TRPC4: variants seen among roughly 807,000 people sequenced by gnomAD.
TRPC4 encodes short transient receptor potential channel 4.
TRPC4 carries 49 observed loss-of-function variants against 99.4 expected under a neutral mutation model. The ratio of observed to expected loss-of-function variants is 0.49; its 90% CI spans 0.39 to 0.63. The LOEUF (loss-of-function observed/expected upper bound fraction) is 0.63. Among genes scored for constraint, TRPC4 ranks in the 20% least tolerant of loss-of-function variants. The probability of loss-of-function intolerance (pLI) is 0.00; values close to 1 mark genes in which losing one functional copy is unlikely to be tolerated. For synonymous variants in TRPC4, 454 were observed against 425.9 expected (o/e 1.07, Z -0.81); for missense variants, 898 against 1,152.9 (o/e 0.78, Z 3.20).
rs548751128 is a variant in TRPC4, at chr13:37,822,791, T to C, written c.-27-39431A>G. Among the ~76,000 whole-genome samples, 11 of 152,238 alleles carry C rather than the reference T, an allele frequency of 7.2e-5. No homozygotes were observed. The South Asian group carries it at 1.9e-3, about 26-fold the overall frequency. Reference sequence around the variant, plus strand: ...AGTACTTTGGGTATATACCCAGTAATGGGATGGCTGGGTCAAATGGTATTT... The same window carrying C: ...AGTACTTTGGGTATATACCCAGTAACGGGATGGCTGGGTCAAATGGTATTT... On this transcript the variant is annotated intron_variant, in intron 1 of 10. Coordinates refer to ENST00000379705, the MANE Select transcript of TRPC4 (RefSeq NM_016179.4).
intron 1 of TRPC4, among the ~76,000 whole-genome samples, chr13:37,823,946 A>C (rs866755945): frequency 2.9e-4 from 43 of 146,946 alleles, no homozygotes; most frequent in African/African-American, 9.4e-4. Flanking sequence ...CTTTTATTTC[A>C]TTGAGCAGTG....
At chr13:37,708,054 C>A (rs1482135725) in intron 3 of TRPC4, among the ~76,000 whole-genome samples, 1 of 152,058 alleles carries the variant, frequency 6.6e-6, no homozygotes, top group Non-Finnish European at 1.5e-5. Flanking sequence ...AGCACTCTTT[C>A]TCTCCTAAAA....
At chr13:37,713,690 A>G (rs1269075818) in intron 3 of TRPC4, among the ~76,000 whole-genome samples, 1 of 152,198 alleles carries the variant, frequency 6.6e-6, no homozygotes, top group Non-Finnish European at 1.5e-5. Context: ...TGGAAAAGAA[A>G]AGGAGAAGGT....
At chr13:37,868,454 C>G (rs1959921412) in intron 1 of TRPC4, among the ~76,000 whole-genome samples, 1 of 152,104 alleles carries the variant, frequency 6.6e-6, no homozygotes, top group Admixed American at 6.6e-5. Context: ...CTCTCAATGT[C>G]TAATTTAGAG....
intron 6 of TRPC4, among the ~76,000 whole-genome samples, chr13:37,661,940 G>A (rs1386654936): frequency 6.6e-6 from 1 of 152,136 alleles, no homozygotes; most frequent in Non-Finnish European, 1.5e-5. Flanking sequence ...AGGGTCAGAA[G>A]AGAGCAGTGG....
Position 37,812,445 on chromosome 13 carries a change from A to G in TRPC4, c.-27-29085T>C, listed in dbSNP as rs531990705. ...TTAGCAAGAAAAGCTACATTATGAC[A>G]GTTCTTAAAAGTTTATTAATGATAA... On this transcript the variant is annotated intron_variant, in intron 1 of 10. Coordinates refer to ENST00000379705, the MANE Select transcript of TRPC4 (RefSeq NM_016179.4). Among the ~76,000 whole-genome samples, 4 of 152,128 alleles carry G rather than the reference A, an allele frequency of 2.6e-5. No homozygotes were observed. In the South Asian group the frequency reaches 8.3e-4, roughly 32 times the overall value.
intron 2 of TRPC4, among the ~76,000 whole-genome samples, chr13:37,775,661 TAA>T (rs1443085648): frequency 1.3e-5 from 2 of 151,760 alleles, no homozygotes; most frequent in African/African-American, 4.8e-5. Context: ...CCTGCCAACC[TAA>T]AGAGACTACA....
chr13:37,831,013 T>G (rs983109398), intron 1 of TRPC4, among the ~76,000 whole-genome samples: 1 of 152,006 alleles, frequency 6.6e-6, no homozygotes, highest in African/African-American at 2.4e-5. Flanking sequence ...CTTCTCTTAT[T>G]AGATATAAGA....
chr13:37,766,681 G>A lies in TRPC4; in HGVS notation c.378+16275C>T, dbSNP rs1166621152. ...ATGATTGGCTAACAGTAGACATGTG[G>A]CTGGGTCTTTTATTTCAAAAGGAAT... On this transcript the variant is annotated intron_variant, in intron 2 of 10. Coordinates refer to ENST00000379705, the MANE Select transcript of TRPC4 (RefSeq NM_016179.4). 2.0e-5 allele frequency among the ~76,000 whole-genome samples: 3 copies of A among 151,354 alleles called. No individual in the cohort carries two copies. The East Asian group carries it at 5.9e-4, about 30-fold the overall frequency.
intron 3 of TRPC4, among the ~76,000 whole-genome samples, chr13:37,704,406 G>A (rs1482130336): frequency 2.0e-5 from 3 of 152,120 alleles, no homozygotes; most frequent in African/African-American, 4.8e-5. Context: ...AATAAGTCTG[G>A]CTGAGCATGG....
At chr13:37,769,284 G>A (rs1243481953) in intron 2 of TRPC4, among the ~76,000 whole-genome samples, 1 of 151,120 alleles carries the variant, frequency 6.6e-6, no homozygotes, top group Non-Finnish European at 1.5e-5. Flanking sequence ...CTTAACTGTG[G>A]TCAAAGGAAG....
chr13:37,769,778 C>T (rs1956496967), intron 2 of TRPC4, among the ~76,000 whole-genome samples: 1 of 151,430 alleles, frequency 6.6e-6, no homozygotes, highest in Non-Finnish European at 1.5e-5. Flanking sequence ...TAAGTCTGAT[C>T]CTAACAACCT....
intron 2 of TRPC4, among the ~76,000 whole-genome samples, chr13:37,747,135 C>G (rs1006262013): frequency 3.3e-5 from 5 of 152,130 alleles, no homozygotes. Flanking sequence ...GTGAATTCCA[C>G]TGAATCAGGT....
intron 3 of TRPC4, among the ~76,000 whole-genome samples, chr13:37,734,103 T>A (rs1955323762): frequency 6.6e-6 from 1 of 152,166 alleles, no homozygotes; most frequent in Non-Finnish European, 1.5e-5. Flanking sequence ...TGTTCCATGC[T>A]CTTCTTTGCC....
At chr13:37,819,058 G>A (rs9566265) in intron 1 of TRPC4, among the ~76,000 whole-genome samples, 43,873 of 151,662 alleles carry the variant, frequency 0.29, 6,564 homozygotes, top group East Asian at 0.43. Context: ...CATAATTGTG[G>A]CCAGGAGGCA....
At chr13:37,693,592 T>A (rs1164689092) in intron 3 of TRPC4, among the ~76,000 whole-genome samples, 3 of 152,210 alleles carry the variant, frequency 2.0e-5, no homozygotes, top group Non-Finnish European at 4.4e-5. Context: ...TTCCTTTCTT[T>A]TTTCTGATGG....
intron 4 of TRPC4, among the ~76,000 whole-genome samples, chr13:37,674,913 T>C (rs1240100512): frequency 1.3e-5 from 2 of 152,098 alleles, no homozygotes; most frequent in East Asian, 1.9e-4. Context: ...CCAGAAAAAA[T>C]GTATTTTTAA....
intron 2 of TRPC4, among the ~76,000 whole-genome samples, chr13:37,769,818 A>G (rs1022528465): frequency 5.3e-5 from 8 of 151,708 alleles, no homozygotes; most frequent in African/African-American, 1.9e-4. Context: ...GAATCTTTAG[A>G]CATAGATCAA....
chr13:37,755,667 G>T (rs563198484), intron 2 of TRPC4, among the ~76,000 whole-genome samples: 3 of 151,996 alleles, frequency 2.0e-5, no homozygotes, highest in African/African-American at 7.2e-5. Context: ...CTCCCAATGT[G>T]CTGGGATTAC....
Sources: allele counts gnomAD v4.1 joint callset (sites outside exome capture counted in the v4.1 genomes callset), GRCh38; gene constraint gnomAD v4.1.1; transcripts MANE v1.5; gene names NCBI Gene and HGNC (gene_info 2026-07-23, HGNC 2026-07-21).